The following URB1 variants were observed in gnomAD, a reference collection of about 807,000 sequenced individuals.
URB1 encodes URB1 ribosome biogenesis factor.
In URB1, 197 loss-of-function variants were observed where a neutral mutation model predicts 242.3. The observed-to-expected ratio is 0.81, with a 90% CI of 0.72 to 0.91. The LOEUF is 0.91. Ranked by LOEUF, URB1 falls within the 40% of genes least tolerant of loss-of-function variation. The pLI, the probability that URB1 is intolerant of heterozygous loss-of-function variation, is 0.00. For synonymous variants in URB1, 1,153 were observed against 1,201.8 expected (o/e 0.96, Z 0.84); for missense variants, 2,721 against 2,860.5 (o/e 0.95, Z 1.11).
At chr21:32,389,984 A>G (rs2146060032) in intron 1 of URB1, among the ~76,000 whole-genome samples, 1 of 152,348 alleles carries the variant, frequency 6.6e-6, no homozygotes, top group East Asian at 1.9e-4. Context: ...AACAGCCATC[A>G]ACTTCACTTC....
At chr21:32,362,311 T>C (rs1214351047) in intron 11 of URB1, among the ~76,000 whole-genome samples, 2 of 151,964 alleles carry the variant, frequency 1.3e-5, no homozygotes, top group East Asian at 1.9e-4. Flanking sequence ...GTTCAAGTGA[T>C]TCTCGTGCGT....
chr21:32,372,367 C>A, intron 8 of URB1, 140 bp downstream of exon 8: 1 of 1,191,708 alleles, frequency 8.4e-7, no homozygotes, highest in Non-Finnish European at 1.1e-6. Flanking sequence ...TCTGGGACTA[C>A]AACTGTTCAA....
chr21:32,353,832 A>G, intron 18 of URB1, 101 bp downstream of exon 18: 1 of 1,387,640 alleles, frequency 7.2e-7, no homozygotes, highest in Non-Finnish European at 9.6e-7. Flanking sequence ...ATTGCCCTGG[A>G]TTCTCAGCAA....
intron 3 of URB1, among the ~76,000 whole-genome samples, chr21:32,384,058 G>C (rs935707838): frequency 2.0e-5 from 3 of 152,172 alleles, no homozygotes; most frequent in African/African-American, 7.2e-5. Context: ...TCCAGTAGAG[G>C]GAGTCACTCA....
intron 17 of URB1, 144 bp from the exon 18 acceptor site, chr21:32,354,247 C>T: frequency 1.1e-6 from 1 of 892,420 alleles, no homozygotes; most frequent in Non-Finnish European, 1.7e-6. Flanking sequence ...CATAGTTTGA[C>T]CCTAAACAGA....
At position 32,325,299 on chromosome 21, in the gene URB1, G is replaced by A. The variant is rs1240622687; in HGVS notation, c.5051C>T (p.Ala1684Val). Residue 1684 changes from alanine (A) to valine (V), a missense_variant, in exon 31 of 39, where the codon GCC becomes GTC. Ala to Val is a moderately conservative substitution (Grantham distance 64). Transcript: ENST00000382751. The stretch of plus-strand genomic sequence containing the variant: ...GGCCGCCAGGACATGGTAGGCTATG[G>A]CTCGCATCTGGGGGTCATAGCTGCT... ...ALSSYDPQMR[A>V]IAYHVLAAYY... 6.4e-7 allele frequency: 1 copy of A among 1,551,604 alleles called. No homozygotes were observed. The highest frequency in any genetic ancestry group is 1.4e-5 in the African/African-American group (1 of 73,046).
rs538038531 is a variant in URB1 at position 32,316,764 on chromosome 21, C to T, written c.6336G>A (p.Pro2112=). 1.5e-5 allele frequency: 24 copies of T among 1,550,274 alleles called. No individual in the cohort carries two copies. Among genetic ancestry groups the T allele is most frequent in the Admixed American group, 3.9e-5 (2 of 50,968 alleles). The change falls in exon 38 of 39, where the codon CCG becomes CCA. Residue 2112 remains proline (P), a synonymous_variant. Transcript: ENST00000382751. The stretch of plus-strand genomic sequence containing the variant: ...GTCCTGCAGCCTCTGCCCTGCTGAG[C>T]GGGTGCTCGGCCACCGACCGCAGCA... ...SWVLRSVAEH[P]LSRAEAAGLI...
chr21:32,312,429 G>A lies in URB1; in HGVS notation c.*2489C>T, dbSNP rs370524561. On this transcript the variant is annotated 3_prime_UTR_variant, in exon 39 of 39. Coordinates refer to ENST00000382751, the MANE Select transcript of URB1 (RefSeq NM_014825.3). ...CATCCAAGCTCCACTAACACCCGCCGGCTCCCCCAGATGTGATGGCATCTG... is the reference window on the plus strand; with the variant it reads ...CATCCAAGCTCCACTAACACCCGCCAGCTCCCCCAGATGTGATGGCATCTG... 1.0e-4 allele frequency: 78 copies of A among 744,940 alleles called. No individual in the cohort carries two copies. Among genetic ancestry groups the A allele is most frequent in the African/African-American group, 6.1e-4 (33 of 54,236 alleles). The allele number at this position is 744,940 out of a possible 1,614,324, so 46.1% of individuals were successfully genotyped here.
intron 19 of URB1, among the ~76,000 whole-genome samples, chr21:32,351,653 A>T (rs1267794813): frequency 6.6e-6 from 1 of 152,138 alleles, no homozygotes; most frequent in Non-Finnish European, 1.5e-5. Context: ...GTCCAGTTTG[A>T]AAAGGCCCTC....
At chr21:32,373,228 C>G (rs1183745599) in intron 7 of URB1, among the ~76,000 whole-genome samples, 1 of 152,026 alleles carries the variant, frequency 6.6e-6, no homozygotes, top group Non-Finnish European at 1.5e-5. Context: ...CATTCAGGAT[C>G]CTGAGGTTAA....
At chr21:32,330,220 T>G (rs58097640) in intron 30 of URB1, among the ~76,000 whole-genome samples, 3,451 of 89,588 alleles carry the variant, frequency 0.039, 143 homozygotes, top group African/African-American at 0.13. Flanking sequence ...TTTTTTTTTT[T>G]GGGTATATCC....
intron 5 of URB1, among the ~76,000 whole-genome samples, chr21:32,377,740 T>C (rs1052576274): frequency 1.3e-5 from 2 of 152,094 alleles, no homozygotes; most frequent in Non-Finnish European, 2.9e-5. Flanking sequence ...GAAGAAGGGC[T>C]GGAGACCCAA....
At chr21:32,385,758 T>G (rs901468293) in intron 1 of URB1, 74 bp from the exon 2 acceptor site, 8 of 1,523,890 alleles carry the variant, frequency 5.2e-6, no homozygotes, top group Non-Finnish European at 6.2e-6. Flanking sequence ...CACTGCAACC[T>G]GCTTTCCCTA....
chr21:32,318,471 G>A (rs989630273), intron 36 of URB1, among the ~76,000 whole-genome samples: 9 of 152,188 alleles, frequency 5.9e-5, no homozygotes, highest in Non-Finnish European at 8.8e-5. Flanking sequence ...CATGTCTTCC[G>A]AAGATCCCTA....
Position 32,317,778 on chromosome 21 carries a change from C to A in URB1, c.5932G>T (p.Val1978Phe). 6.4e-7 allele frequency: 1 copy of A among 1,551,954 alleles called. No individual in the cohort carries two copies. The highest frequency in any genetic ancestry group is 8.7e-7 in the Non-Finnish European group (1 of 1,147,050). The change falls in exon 37 of 39, where the codon GTC (valine) becomes TTC (phenylalanine). Residue 1978 changes from valine to phenylalanine, a missense_variant. Val to Phe is a conservative substitution (Grantham distance 50). Coordinates refer to ENST00000382751, the MANE Select transcript of URB1 (RefSeq NM_014825.3). Reference protein sequence around the residue: ...VNETVLSTKDVLVLLHKWSLI... With the variant: ...VNETVLSTKDFLVLLHKWSLI... ...CTCCACTTGTGCAAGAGGACAAGGA[C>A]GTCCTTGGTGGAAAGCACTGTCTCA...
chr21:32,345,221 C>G (rs1193827716), intron 23 of URB1, among the ~76,000 whole-genome samples, 153 bp downstream of exon 23: 1 of 152,008 alleles, frequency 6.6e-6, no homozygotes, highest in Non-Finnish European at 1.5e-5. Flanking sequence ...AAGCTCCAGG[C>G]AGGATGGCTG....
chr21:32,345,274 A>G, intron 23 of URB1, 100 bp downstream of exon 23: 2 of 1,294,814 alleles, frequency 1.5e-6, no homozygotes, highest in Middle Eastern at 2.0e-4. Flanking sequence ...CAGATGGGGC[A>G]CAACAGTAAT....
In URB1 at chr21:32,333,430, C is replaced by A; in HGVS notation, c.4858-11G>T. 1 of 1,544,024 alleles carries A rather than the reference C, an allele frequency of 6.5e-7. No homozygotes were observed. Among genetic ancestry groups the A allele is most frequent in the South Asian group, 1.2e-5 (1 of 83,158 alleles). On this transcript the variant is annotated splice_polypyrimidine_tract_variant and intron_variant, in intron 29 of 38. Transcript: ENST00000382751. ...CAGCTCCTGTGTGTCCTGAAAGAGC[C>A]AAAATCAACAAAAACGTGTGATTCA...
At chr21:32,365,166 T>C (rs1041888792) in intron 10 of URB1, among the ~76,000 whole-genome samples, 3 of 152,214 alleles carry the variant, frequency 2.0e-5, no homozygotes, top group Non-Finnish European at 4.4e-5. Flanking sequence ...CACATCTGGC[T>C]GGGTGTGGCG....
Sources: allele counts gnomAD v4.1 joint callset (sites outside exome capture counted in the v4.1 genomes callset), GRCh38; gene constraint gnomAD v4.1.1; transcripts MANE v1.5; gene names NCBI Gene and HGNC (gene_info 2026-07-23, HGNC 2026-07-21).